ARHGEF12: variants seen among roughly 807,000 people sequenced by gnomAD.
ARHGEF12 encodes KMT2A/ARHGEF12 fusion protein.
In ARHGEF12, 66 loss-of-function variants were observed where a neutral mutation model predicts 211.2. That is an observed-to-expected ratio of 0.31 (90% confidence interval 0.26 to 0.38). The LOEUF (loss-of-function observed/expected upper bound fraction) is 0.38, where lower values mean the gene tolerates loss of function less well. Among genes scored for constraint, ARHGEF12 ranks in the 10% least tolerant of loss-of-function variants. The probability of loss-of-function intolerance (pLI) is 1.00; values close to 1 mark genes in which losing one functional copy is unlikely to be tolerated. For synonymous variants in ARHGEF12, 592 were observed against 638.4 expected, an observed-to-expected ratio of 0.93 and a Z score of 1.09; for missense variants, 1,429 against 1,869.5, an observed-to-expected ratio of 0.76 and a Z score of 4.34.
chr11:120,429,412 G>T, intron 8 of ARHGEF12, 28 bp from the exon 9 acceptor site: 1 of 1,580,912 alleles, frequency 6.3e-7, no homozygotes, highest in East Asian at 2.2e-5. Flanking sequence ...ACTGGTTGTT[G>T]TTTGTTTTTT....
chr11:120,446,807 T>C (rs763881391), intron 17 of ARHGEF12, 141 bp from the exon 18 acceptor site: 46 of 1,030,952 alleles, frequency 4.5e-5, no homozygotes, highest in Non-Finnish European at 6.1e-5. Flanking sequence ...TCTGGTATCC[T>C]AGATGACATG....
intron 4 of ARHGEF12, among the ~76,000 whole-genome samples, chr11:120,419,872 A>G (rs1308352021): frequency 6.6e-6 from 1 of 152,116 alleles, no homozygotes; most frequent in African/African-American, 2.4e-5. Context: ...GATCCTGCAA[A>G]GCTGAAAATA....
chr11:120,436,658 G>A (rs1445540838), intron 11 of ARHGEF12, among the ~76,000 whole-genome samples: 2 of 152,048 alleles, frequency 1.3e-5, no homozygotes, highest in African/African-American at 4.8e-5. Flanking sequence ...TTATCCCCTA[G>A]ACAATACAGT....
intron 39 of ARHGEF12, among the ~76,000 whole-genome samples, 161 bp downstream of exon 39, chr11:120,481,737 ATTGT>A (rs1245030729): frequency 6.7e-6 from 1 of 150,220 alleles, no homozygotes; most frequent in East Asian, 1.9e-4. Context: ...TGAGATTGGC[ATTGT>A]TTATCTTTTT....
At chr11:120,441,928 A>G (rs1184214305) in intron 14 of ARHGEF12, 111 bp downstream of exon 14, 2 of 1,022,470 alleles carry the variant, frequency 2.0e-6, no homozygotes, top group Non-Finnish European at 2.9e-6. Flanking sequence ...TTTTCCGTAT[A>G]AAGACAGATA....
At chr11:120,416,714 G>A (rs976440047) in intron 4 of ARHGEF12, among the ~76,000 whole-genome samples, 4 of 151,812 alleles carry the variant, frequency 2.6e-5, no homozygotes, top group Non-Finnish European at 5.9e-5. Context: ...GCAGTGGCGC[G>A]ATCTCGGCTC....
intron 1 of ARHGEF12, among the ~76,000 whole-genome samples, chr11:120,347,270 CTGTGTGTGTGTGTGTGTGTGTG>C (rs55651421): frequency 2.5e-5 from 2 of 79,810 alleles, no homozygotes; most frequent in Non-Finnish European, 5.7e-5. Context: ...CTCTCTCTGT[CTGTGTGTGTGTGTGTGTGTGTG>C]TGTGTGTGTG....
In ARHGEF12 at chr11:120,420,375, A is replaced by G. The variant is rs117047818; in HGVS notation, c.200-378A>G. Among the ~76,000 whole-genome samples the G allele has an allele frequency of 7.2e-4, 109 of 152,274 alleles. 5 individuals carry two copies. In the East Asian group the frequency reaches 0.021, roughly 29 times the overall value. Reference sequence around the variant, plus strand: ...TTGATTTTTCTTGGGTTAAACACCAATTAGGGTACCAAAAACTCAGGGCAG... The same window carrying G: ...TTGATTTTTCTTGGGTTAAACACCAGTTAGGGTACCAAAAACTCAGGGCAG... On this transcript the variant is annotated intron_variant, in intron 4 of 40. Transcript: ENST00000397843.
chr11:120,385,628 T>C (rs17123861), intron 1 of ARHGEF12: 71,524 of 408,504 alleles, frequency 0.18, 7,102 homozygotes, highest in African/African-American at 0.29. Flanking sequence ...TTCATTATTA[T>C]TTCTCACAAC....
intron 1 of ARHGEF12, among the ~76,000 whole-genome samples, chr11:120,380,596 C>G (rs1027049640): frequency 6.6e-6 from 1 of 152,138 alleles, no homozygotes; most frequent in East Asian, 1.9e-4. Context: ...ATCCTCTTTT[C>G]CTCTCATCAG....
chr11:120,425,339 GT>G (rs1323273529), intron 7 of ARHGEF12, among the ~76,000 whole-genome samples: 202 of 142,116 alleles, frequency 1.4e-3, no homozygotes, highest in Middle Eastern at 3.6e-3. Context: ...TGTTTTCTTG[GT>G]TTTTTTTTTT....
intron 1 of ARHGEF12, among the ~76,000 whole-genome samples, chr11:120,361,353 T>A (rs1029013806): frequency 6.6e-6 from 1 of 152,146 alleles, no homozygotes; most frequent in Admixed American, 6.5e-5. Flanking sequence ...CTTAAGAGAA[T>A]CTAATGCCCG....
At chr11:120,465,869 A>G (rs1946691430) in intron 28 of ARHGEF12, among the ~76,000 whole-genome samples, 1 of 152,266 alleles carries the variant, frequency 6.6e-6, no homozygotes, top group African/African-American at 2.4e-5. Context: ...CAGGATTAAA[A>G]TACTTAATAT....
At chr11:120,396,986 C>G (rs1202855877) in intron 1 of ARHGEF12, among the ~76,000 whole-genome samples, 2 of 152,210 alleles carry the variant, frequency 1.3e-5, no homozygotes, top group Non-Finnish European at 2.9e-5. Context: ...AGAAATGCAT[C>G]TTCCACATTT....
At chr11:120,422,071 T>C (rs2135678693) in intron 6 of ARHGEF12, among the ~76,000 whole-genome samples, 1 of 152,352 alleles carries the variant, frequency 6.6e-6, no homozygotes, top group East Asian at 1.9e-4. Flanking sequence ...GGAATATATG[T>C]TCTTGAGTAG....
intron 37 of ARHGEF12, among the ~76,000 whole-genome samples, chr11:120,479,200 C>G (rs1947157074): frequency 6.6e-6 from 1 of 152,144 alleles, no homozygotes; most frequent in South Asian, 2.1e-4. Context: ...CATGAGACTT[C>G]CTGGCATCTC....
intron 1 of ARHGEF12, among the ~76,000 whole-genome samples, chr11:120,372,910 C>G (rs1407130894): frequency 6.6e-6 from 1 of 152,142 alleles, no homozygotes; most frequent in Admixed American, 6.5e-5. Flanking sequence ...TAAGGTCACT[C>G]TAACTGAGGA....
In ARHGEF12 at chr11:120,481,395, C is replaced by G. The variant is rs1490183623; in HGVS notation, c.4373C>G (p.Pro1458Arg). 6.2e-7 allele frequency: 1 copy of G among 1,614,084 alleles called. No individual in the cohort carries two copies. The highest frequency in any genetic ancestry group is 8.5e-7 in the Non-Finnish European group (1 of 1,180,042). Residue 1458 changes from proline (P) to arginine (R), a missense_variant, in exon 39 of 41, where the codon CCT becomes CGT. Pro to Arg is a moderately radical substitution (Grantham distance 103). Around this residue, in one of 7 missense-constraint regions of ARHGEF12, gnomAD observed 467 missense variants for 468.4 expected, o/e 1.00. Transcript: ENST00000397843. Reference protein sequence around the residue: ...VESTHQQQHSPQNTHSDGAIS... With the variant: ...VESTHQQQHSRQNTHSDGAIS... ...TCCACCCACCAGCAGCAACATTCTC[C>G]TCAGAATACTCACTCCGATGGGGCA...
At chr11:120,368,342 T>C (rs7117321) in intron 1 of ARHGEF12, among the ~76,000 whole-genome samples, 63,712 of 152,070 alleles carry the variant, frequency 0.42, 13,604 homozygotes, top group African/African-American at 0.48. Context: ...GGGGTCTCCC[T>C]ATGTTGCCGA....
Sources: gnomAD v4.1 joint callset for allele counts (sites outside exome capture counted in the v4.1 genomes callset) on GRCh38, gnomAD v4.1.1 for gene constraint, gnomAD v4.1.1 regional missense constraint, MANE v1.5 for transcripts, NCBI Gene and HGNC (gene_info 2026-07-23, HGNC 2026-07-21) for gene names.